The following CHRM3 variants were observed in gnomAD, a reference collection of about 807,000 sequenced individuals.
The protein encoded by CHRM3 is cholinergic receptor muscarinic 3, also known as muscarinic acetylcholine receptor M3.
A neutral mutation model predicts 41.8 loss-of-function variants in CHRM3; 11 were observed. That is an observed-to-expected ratio of 0.26 (90% CI 0.17 to 0.44). CHRM3 has a LOEUF of 0.44. Among genes scored for constraint, CHRM3 ranks in the 20% least tolerant of loss-of-function variants. CHRM3 has a pLI of 1.00. For synonymous variants in CHRM3, 297 were observed against 301.4 expected (o/e 0.99, Z 0.15); for missense variants, 571 against 745.4 (o/e 0.77, Z 2.72).
intron 3 of CHRM3, among the ~76,000 whole-genome samples, chr1:239,569,522 C>T (rs1340498993): frequency 2.6e-5 from 4 of 152,218 alleles, no homozygotes; most frequent in East Asian, 1.9e-4. Flanking sequence ...TCAGTAAGTT[C>T]GTTGTGTCAG....
At chr1:239,799,699 C>T (rs1044593400) in intron 5 of CHRM3, among the ~76,000 whole-genome samples, 2 of 152,152 alleles carry the variant, frequency 1.3e-5, no homozygotes, top group South Asian at 2.1e-4. Flanking sequence ...GTGCAGATTC[C>T]GTTGTCTTTA....
At chr1:239,828,709 G>A (rs1328677085) in intron 6 of CHRM3, among the ~76,000 whole-genome samples, 2 of 152,050 alleles carry the variant, frequency 1.3e-5, no homozygotes, top group African/African-American at 2.4e-5. Flanking sequence ...AGAAGGTCGG[G>A]AAGGCACCTG....
intron 1 of CHRM3, among the ~76,000 whole-genome samples, chr1:239,405,430 A>G (rs1660518127): frequency 6.6e-6 from 1 of 152,118 alleles, no homozygotes; most frequent in African/African-American, 2.4e-5. Context: ...GTGAAAATCC[A>G]CAGGAGCTGG....
At chr1:239,487,617 A>G (rs1667262313) in intron 1 of CHRM3, among the ~76,000 whole-genome samples, 1 of 152,176 alleles carries the variant, frequency 6.6e-6, no homozygotes, top group Non-Finnish European at 1.5e-5. Flanking sequence ...GAGATTTGGT[A>G]TTGTGAAAAT....
chr1:239,716,687 G>C (rs1169903294), intron 5 of CHRM3, among the ~76,000 whole-genome samples: 1 of 151,400 alleles, frequency 6.6e-6, no homozygotes, highest in Non-Finnish European at 1.5e-5. Flanking sequence ...TCCTAAAATA[G>C]AATTAAAAAA....
intron 1 of CHRM3, among the ~76,000 whole-genome samples, chr1:239,441,891 G>C (rs1663751374): frequency 6.6e-6 from 1 of 152,200 alleles, no homozygotes; most frequent in Non-Finnish European, 1.5e-5. Context: ...CAGATGTGAA[G>C]TATTTAAAAG....
chr1:239,592,745 G>T (rs1664322870), intron 3 of CHRM3, among the ~76,000 whole-genome samples: 1 of 151,970 alleles, frequency 6.6e-6, no homozygotes, highest in Non-Finnish European at 1.5e-5. Context: ...GTGGGCATTT[G>T]GGTTGTTTCC....
chr1:239,466,246 C>T (rs1005084693), intron 1 of CHRM3, among the ~76,000 whole-genome samples: 2 of 152,158 alleles, frequency 1.3e-5, no homozygotes, highest in Non-Finnish European at 2.9e-5. Flanking sequence ...CCACCTGCCT[C>T]GGCTTCCCAA....
intron 5 of CHRM3, among the ~76,000 whole-genome samples, chr1:239,770,408 T>G (rs1233453252): frequency 6.6e-6 from 1 of 152,182 alleles, no homozygotes; most frequent in Non-Finnish European, 1.5e-5. Context: ...AAAGACATAA[T>G]CTTAGTGAAA....
intron 1 of CHRM3, among the ~76,000 whole-genome samples, chr1:239,466,221 C>G (rs1035472274): frequency 1.3e-5 from 2 of 152,134 alleles, no homozygotes; most frequent in Non-Finnish European, 2.9e-5. Flanking sequence ...CCTTGAACTC[C>G]TGACCTCAGG....
intron 2 of CHRM3, among the ~76,000 whole-genome samples, chr1:239,521,674 G>A (rs1402023871): frequency 1.3e-5 from 2 of 152,046 alleles, no homozygotes; most frequent in East Asian, 3.9e-4. Context: ...ATTGGATGTG[G>A]GTTGTGCACA....
chr1:239,650,345 C>A (rs1228618602), intron 4 of CHRM3, among the ~76,000 whole-genome samples: 2 of 152,128 alleles, frequency 1.3e-5, no homozygotes, highest in African/African-American at 2.4e-5. Flanking sequence ...CTGCTCTAAG[C>A]CTTAGTTTCT....
At chr1:239,499,083 A>G (rs1259540256) in intron 2 of CHRM3, among the ~76,000 whole-genome samples, 4 of 152,134 alleles carry the variant, frequency 2.6e-5, no homozygotes, top group African/African-American at 9.7e-5. Flanking sequence ...CAAGGCTGGT[A>G]TCTTTCAGTT....
At chr1:239,489,570 A>G (rs889390674) in intron 1 of CHRM3, among the ~76,000 whole-genome samples, 2 of 152,204 alleles carry the variant, frequency 1.3e-5, no homozygotes, top group African/African-American at 4.8e-5. Context: ...GAGGAACAGG[A>G]TAGCTTTTGC....
At chr1:239,885,718 C>T (rs1678012586) in intron 6 of CHRM3, among the ~76,000 whole-genome samples, 1 of 152,178 alleles carries the variant, frequency 6.6e-6, no homozygotes, top group Admixed American at 6.5e-5. Flanking sequence ...CATTAATCCT[C>T]CCTAAATTCA....
chr1:239,823,974 C>T (rs763907709), intron 5 of CHRM3, among the ~76,000 whole-genome samples: 28 of 152,060 alleles, frequency 1.8e-4, no homozygotes, highest in Non-Finnish European at 3.1e-4. Flanking sequence ...AAACAGCTCT[C>T]GAATAATAAC....
intron 6 of CHRM3, among the ~76,000 whole-genome samples, chr1:239,880,531 T>C (rs1010321537): frequency 1.3e-5 from 2 of 152,240 alleles, no homozygotes; most frequent in African/African-American, 4.8e-5. Flanking sequence ...AGTCTCACTA[T>C]GTTGCCCAGG....
intron 4 of CHRM3, among the ~76,000 whole-genome samples, chr1:239,664,098 T>G (rs1673525647): frequency 6.6e-6 from 1 of 152,196 alleles, no homozygotes; most frequent in South Asian, 2.1e-4. Context: ...AAAATTCTAT[T>G]TTAGTCTTTG....
At chr1:239,675,397 A>G (rs1657899079) in intron 4 of CHRM3, among the ~76,000 whole-genome samples, 1 of 152,104 alleles carries the variant, frequency 6.6e-6, no homozygotes. Context: ...GTTGCATCCT[A>G]CCCAAGAACA....
Sources: gnomAD v4.1 joint callset for allele counts (sites outside exome capture counted in the v4.1 genomes callset) on GRCh38, gnomAD v4.1.1 for gene constraint, MANE v1.5 for transcripts, NCBI Gene and HGNC (gene_info 2026-07-23, HGNC 2026-07-21) for gene names.